Variants in KDM5A observed in about 807,000 individuals in gnomAD.
KDM5A encodes the protein lysine demethylase 5A.
Under a neutral mutation model 193.5 loss-of-function variants are expected in KDM5A, and 42 were observed. That is an observed-to-expected ratio of 0.22 (90% CI 0.17 to 0.28). The LOEUF (loss-of-function observed/expected upper bound fraction) is 0.28. Ranked by LOEUF, KDM5A falls within the 10% of genes least tolerant of loss-of-function variation. KDM5A has a pLI of 1.00. For synonymous variants in KDM5A, 796 were observed against 718.1 expected (o/e 1.11, Z -1.73); for missense variants, 1,692 against 2,055.1 (o/e 0.82, Z 3.42).
At chr12:379,156 G>A (rs554594410) in intron 3 of KDM5A, among the ~76,000 whole-genome samples, 3 of 151,436 alleles carry the variant, frequency 2.0e-5, no homozygotes, top group African/African-American at 7.3e-5. Flanking sequence ...GGGAATCATA[G>A]TATTTTCAAA....
chr12:334,308 T>C lies in KDM5A; in HGVS notation c.1423A>G (p.Met475Val), dbSNP rs1459096332. ...GMKVPWLYVGMCFSSFCWHIE... is the reference protein window; with the variant it reads ...GMKVPWLYVGVCFSSFCWHIE... ...TGCCAGCAAAAAGAAGAGAAGCACA[T>C]TCCCACATAGAGCCACGGCACTTTC... The change falls in exon 11 of 28, where the codon ATG (methionine) becomes GTG (valine). Residue 475 changes from methionine to valine, a missense_variant. Met to Val is a conservative substitution (Grantham distance 21). This residue lies in a region of KDM5A where 172 missense variants were observed against 260.3 expected (regional missense o/e 0.66). Transcript: ENST00000399788. 6.2e-7 allele frequency: 1 copy of C among 1,614,014 alleles called. No homozygotes were observed. Among genetic ancestry groups the C allele is most frequent in the Non-Finnish European group, 8.5e-7 (1 of 1,179,994 alleles).
rs1057220030 is a variant in KDM5A, at chr12:281,536, T to C, written c.*3920A>G. ...TATCCAAAGAAGTAATGGTATGACTTAAAAAAAAAGGAGGAATTTCAAAAG... is the reference window on the plus strand; with the variant it reads ...TATCCAAAGAAGTAATGGTATGACTCAAAAAAAAAGGAGGAATTTCAAAAG... On this transcript the variant is annotated 3_prime_UTR_variant, in exon 28 of 28. Transcript: ENST00000399788. 1 of 229,880 alleles carries C rather than the reference T, an allele frequency of 4.4e-6. No individual in the cohort carries two copies. Among genetic ancestry groups the C allele is most frequent in the African/African-American group, 2.2e-5 (1 of 44,862 alleles). 14.2% of individuals were successfully genotyped at this position (229,880 alleles called of 1,614,324 possible).
chr12:361,195 T>C (rs1944290086), intron 5 of KDM5A, among the ~76,000 whole-genome samples: 1 of 149,660 alleles, frequency 6.7e-6, no homozygotes, highest in African/African-American at 2.5e-5. Flanking sequence ...AGCACCCCCC[T>C]CCATTTTTTT....
chr12:313,784 C>A (rs980535137), intron 19 of KDM5A, among the ~76,000 whole-genome samples: 1 of 152,150 alleles, frequency 6.6e-6, no homozygotes, highest in African/African-American at 2.4e-5. Flanking sequence ...TATAAACTCA[C>A]TGTTATGGGA....
rs147466987 is a variant in KDM5A at position 357,138 on chromosome 12, A to C, written c.673-601T>G. Among the ~76,000 whole-genome samples the C allele has an allele frequency of 6.3e-3, 962 of 152,214 alleles. 14 individuals carry two copies. Among genetic ancestry groups the C allele is most frequent in the African/African-American group, 0.022 (895 of 41,524 alleles). ...TCTACAAAAAGTACAAAAATTAGCC[A>C]GGCATGGTGGTGTGCATCTGTAGTC... On this transcript the variant is annotated intron_variant, in intron 5 of 27. Coordinates refer to ENST00000399788, the MANE Select transcript of KDM5A (RefSeq NM_001042603.3).
intron 10 of KDM5A, among the ~76,000 whole-genome samples, chr12:343,641 C>T (rs957804487): frequency 1.3e-5 from 2 of 152,296 alleles, no homozygotes; most frequent in Admixed American, 6.5e-5. Flanking sequence ...AATGGACCTC[C>T]AACAAACTCC....
intron 1 of KDM5A, 132 bp from the exon 2 acceptor site, chr12:386,106 G>A: frequency 1.5e-6 from 1 of 664,014 alleles, no homozygotes; most frequent in Non-Finnish European, 2.7e-6. Context: ...CTTTATTATA[G>A]AGACAGAATG....
chr12:329,179 A>C, intron 13 of KDM5A, 150 bp from the exon 14 acceptor site: 1 of 710,054 alleles, frequency 1.4e-6, no homozygotes, highest in South Asian at 1.6e-5. Context: ...TATTAACTGT[A>C]AATATTAACC....
intron 3 of KDM5A, among the ~76,000 whole-genome samples, chr12:383,297 C>T (rs1944597762): frequency 6.6e-6 from 1 of 151,944 alleles, no homozygotes; most frequent in Non-Finnish European, 1.5e-5. Flanking sequence ...TCACTGCAGC[C>T]TTGACTTTCC....
Position 322,346 on chromosome 12 carries a change from G to A in KDM5A, c.2426+71C>T, listed in dbSNP as rs143486400. On this transcript the variant is annotated intron_variant, in intron 17 of 27. Coordinates refer to ENST00000399788, the MANE Select transcript of KDM5A (RefSeq NM_001042603.3). ...AAGATAATGTACGGCTTCACAGGCC[G>A]GATAAAATTTTGGTTTTTACTCTGA... The A allele has an allele frequency of 2.0e-3, 2,888 of 1,431,044 alleles. 44 individuals are homozygous for A. The African/African-American group carries it at 0.031, about 16-fold the overall frequency. 88.6% of individuals were successfully genotyped at this position (1,431,044 alleles called of 1,614,324 possible). A position where few individuals can be genotyped will look rare whatever the true frequency, so the allele number is the denominator to read the frequency against.
chr12:316,577 C>T (rs78109655), intron 19 of KDM5A, among the ~76,000 whole-genome samples: 7,976 of 148,292 alleles, frequency 0.054, 556 homozygotes, highest in East Asian at 0.31. Flanking sequence ...ATTATTACCA[C>T]GAAATTTCAT....
chr12:334,392 T>G lies in KDM5A; in HGVS notation c.1339A>C (p.Asn447His). ...ACAGACTGTTCCAGGACAGGCATGT[T>G]ATTCAAATTCCAACCAGAAAGTGCA... is the stretch of plus-strand genomic sequence containing the variant. Reference protein sequence around the residue: ...EYALSGWNLNNMPVLEQSVLA... With the variant: ...EYALSGWNLNHMPVLEQSVLA... The change falls in exon 11 of 28, where the codon AAC becomes CAC. Residue 447 changes from asparagine (N) to histidine (H), a missense_variant. Coordinates refer to ENST00000399788, the MANE Select transcript of KDM5A (RefSeq NM_001042603.3). The G allele has an allele frequency of 6.2e-7, 1 of 1,613,982 alleles. No individual in the cohort carries two copies. Among genetic ancestry groups the G allele is most frequent in the Non-Finnish European group, 8.5e-7 (1 of 1,179,924 alleles).
rs138069592 is a variant in KDM5A, at chr12:303,306, T to C, written c.4074+3640A>G. On this transcript the variant is annotated intron_variant, in intron 24 of 27. Transcript: ENST00000399788. Reference sequence around the variant, plus strand: ...GAATAGATGAAGAAAATGCAGCACATATATACCATGGAATACTACGTAGCC... The same window carrying C: ...GAATAGATGAAGAAAATGCAGCACACATATACCATGGAATACTACGTAGCC... Among the ~76,000 whole-genome samples, 4 of 152,252 alleles carry C rather than the reference T, an allele frequency of 2.6e-5. No individual in the cohort carries two copies. The East Asian group carries it at 5.8e-4, about 22-fold the overall frequency.
At position 346,397 on chromosome 12, in the gene KDM5A, TC is replaced by T. The variant is rs1944076172; in HGVS notation, c.1308+4223del. ...CAAGCAATAGAAAAAGACGGAATCC[TC>T]CCTAACTCATTTTATGAGGCCAACA... On this transcript the variant is annotated intron_variant, in intron 10 of 27. Transcript: ENST00000399788. Among the ~76,000 whole-genome samples the T allele has an allele frequency of 2.0e-5, 3 of 152,288 alleles. No individual in the cohort carries two copies. The South Asian group carries it at 6.2e-4, about 32-fold the overall frequency.
Position 280,167 on chromosome 12 carries a change from A to G in KDM5A, c.*5289T>C, listed in dbSNP as rs117143380. On this transcript the variant is annotated 3_prime_UTR_variant, in exon 28 of 28. Coordinates refer to ENST00000399788, the MANE Select transcript of KDM5A (RefSeq NM_001042603.3). ...ATTCCAAAATCACTCTAGTTTATTC[A>G]CATAATATAGTATTTGATTCCATTC... 1 of 232,318 alleles carries G rather than the reference A, an allele frequency of 4.3e-6. No individual in the cohort carries two copies. Among genetic ancestry groups the G allele is most frequent in the Non-Finnish European group, 8.5e-6 (1 of 117,446 alleles). 14.4% of individuals were successfully genotyped at this position (232,318 alleles called of 1,614,324 possible). A position where few individuals can be genotyped will look rare whatever the true frequency, so the allele number is the denominator to read the frequency against.
At chr12:316,867 A>G (rs977465704) in intron 19 of KDM5A, among the ~76,000 whole-genome samples, 1 of 152,224 alleles carries the variant, frequency 6.6e-6, no homozygotes, top group Non-Finnish European at 1.5e-5. Flanking sequence ...ATGCATCCAA[A>G]GTAAGTGGCT....
rs185219921 is a variant in KDM5A at position 281,936 on chromosome 12, C to T, written c.*3520G>A. 1.4e-5 allele frequency: 4 copies of T among 285,484 alleles called. No individual in the cohort carries two copies. Among genetic ancestry groups the T allele is most frequent in the East Asian group, 1.2e-4 (2 of 17,270 alleles). 17.7% of individuals were successfully genotyped at this position (285,484 alleles called of 1,614,324 possible). A position where few individuals can be genotyped will look rare whatever the true frequency, so the allele number is the denominator to read the frequency against. On this transcript the variant is annotated 3_prime_UTR_variant, in exon 28 of 28. Coordinates refer to ENST00000399788, the MANE Select transcript of KDM5A (RefSeq NM_001042603.3). The stretch of plus-strand genomic sequence containing the variant: ...TTGTGGGCACCTGCTAGCACAGAAG[C>T]GCAGAAGCAAAGCCCAGGCAGAACC...
At position 309,942 on chromosome 12, in the gene KDM5A, A is replaced by G. The variant is rs756252391; in HGVS notation, c.3239T>C (p.Ile1080Thr). ...LLQVLSPRTD[I>T]GVYGSGKNRR... ...ATTTTTGCCACTCCCATATACACCA[A>G]TGTCGGTCCGGGGGCTCAGCACCTA... Residue 1080 changes from isoleucine (I) to threonine (T), a missense_variant, in exon 22 of 28, where the codon ATT (isoleucine) becomes ACT (threonine). By Grantham distance (89) the Ile-to-Thr change is moderately conservative. This residue lies in a region of KDM5A where 965 missense variants were observed against 1,061.0 expected (regional missense o/e 0.91). Coordinates refer to ENST00000399788, the MANE Select transcript of KDM5A (RefSeq NM_001042603.3). 4.3e-6 allele frequency: 7 copies of G among 1,613,436 alleles called. No homozygotes were observed. Among genetic ancestry groups the G allele is most frequent in the Non-Finnish European group, 4.2e-6 (5 of 1,179,876 alleles).
In KDM5A at chr12:357,827, C is replaced by CAAAAAAAAAAAAAA. The variant is rs61577928; in HGVS notation, c.673-1304_673-1291dup. Among the ~76,000 whole-genome samples the CAAAAAAAAAAAAAA allele has an allele frequency of 4.6e-3, 138 of 29,858 alleles. 29 individuals carry two copies. The highest frequency in any genetic ancestry group is 0.024 in the African/African-American group (117 of 4,976). 19.6% of individuals were successfully genotyped at this position (29,858 alleles called of 152,430 possible). A position where few individuals can be genotyped will look rare whatever the true frequency, so the allele number is the denominator to read the frequency against. ...TGGGCGACAGAGCAAGACTCAGTCT[C>CAAAAAAAAAAAAAA]AAAAAAAAAAAAAAAAAAAAAAAAA... On this transcript the variant is annotated intron_variant, in intron 5 of 27. Coordinates refer to ENST00000399788, the MANE Select transcript of KDM5A (RefSeq NM_001042603.3).
Sources: gnomAD v4.1 joint callset for allele counts (sites outside exome capture counted in the v4.1 genomes callset) on GRCh38, gnomAD v4.1.1 for gene constraint, gnomAD v4.1.1 regional missense constraint, MANE v1.5 for transcripts, NCBI Gene and HGNC (gene_info 2026-07-23, HGNC 2026-07-21) for gene names.